Variants in PTPRK observed in about 807,000 individuals in gnomAD.
PTPRK encodes the protein receptor-type tyrosine-protein phosphatase kappa.
In PTPRK, 75 loss-of-function variants were observed where a neutral mutation model predicts 178.0. The ratio of observed to expected loss-of-function variants is 0.42; its 90% confidence interval spans 0.35 to 0.51. The LOEUF is 0.51. Among genes scored for constraint, PTPRK ranks in the 20% least tolerant of loss-of-function variants. The pLI, the probability that PTPRK is intolerant of heterozygous loss-of-function variation, is 0.02. For missense variants in PTPRK, 1,441 were observed against 1,797.8 expected, an observed-to-expected ratio of 0.80 and a Z score of 3.59; for synonymous variants, 637 against 620.6, an observed-to-expected ratio of 1.03 and a Z score of -0.39.
chr6:128,463,969 G>A (rs946547767), intron 1 of PTPRK, among the ~76,000 whole-genome samples: 2 of 151,092 alleles, frequency 1.3e-5, no homozygotes, highest in South Asian at 4.2e-4. Flanking sequence ...TTGGCCAGGC[G>A]GTCTCGAACT....
intron 2 of PTPRK, among the ~76,000 whole-genome samples, chr6:128,366,187 T>TCTAACTAGCAC (rs1835455387): frequency 6.6e-6 from 1 of 152,142 alleles, no homozygotes; most frequent in Non-Finnish European, 1.5e-5. Flanking sequence ...ACTATGCCAC[T>TCTAACTAGCAC]CTAACTAGCT....
chr6:128,416,592 G>A (rs1427812948), intron 1 of PTPRK, among the ~76,000 whole-genome samples: 1 of 150,202 alleles, frequency 6.7e-6, no homozygotes, highest in Non-Finnish European at 1.5e-5. Flanking sequence ...AGCTTGCAGT[G>A]AGCCGAGATC....
At chr6:128,410,764 G>A (rs942020041) in intron 1 of PTPRK, among the ~76,000 whole-genome samples, 30 of 152,150 alleles carry the variant, frequency 2.0e-4, no homozygotes, top group Admixed American at 1.5e-3. Flanking sequence ...ATAAAATACT[G>A]GTGTAGAAGT....
intron 3 of PTPRK, among the ~76,000 whole-genome samples, chr6:128,268,307 A>G: frequency 6.6e-6 from 1 of 152,036 alleles, no homozygotes; most frequent in Admixed American, 6.6e-5. Context: ...GGTGCTTGTT[A>G]AATTGATGGT....
chr6:128,103,810 T>G (rs1789201680), intron 7 of PTPRK, among the ~76,000 whole-genome samples: 1 of 152,170 alleles, frequency 6.6e-6, no homozygotes, highest in Non-Finnish European at 1.5e-5. Flanking sequence ...TGAACCCTGC[T>G]TCCTCTTTGA....
chr6:128,078,677 G>T, intron 11 of PTPRK, 136 bp downstream of exon 11: 2 of 487,692 alleles, frequency 4.1e-6, no homozygotes, highest in Non-Finnish European at 7.3e-6. Flanking sequence ...CTTTATCATA[G>T]GTTTGCATAT....
At chr6:128,256,626 CG>C (rs1817364352) in intron 3 of PTPRK, among the ~76,000 whole-genome samples, 1 of 151,572 alleles carries the variant, frequency 6.6e-6, no homozygotes, top group Non-Finnish European at 1.5e-5. Context: ...TTAGTAGAGA[CG>C]GGGTTTCACC....
At chr6:128,157,450 A>G (rs1447574033) in intron 7 of PTPRK, among the ~76,000 whole-genome samples, 3 of 151,988 alleles carry the variant, frequency 2.0e-5, no homozygotes, top group Non-Finnish European at 4.4e-5. Flanking sequence ...AAAGAATAAC[A>G]TTTCTCTAAA....
intron 1 of PTPRK, among the ~76,000 whole-genome samples, chr6:128,450,132 A>G (rs77393317): frequency 2.0e-5 from 3 of 151,630 alleles, no homozygotes; most frequent in African/African-American, 7.3e-5. Flanking sequence ...AAAAAAAAAA[A>G]GAAGGAAAAG....
intron 6 of PTPRK, among the ~76,000 whole-genome samples, chr6:128,214,128 C>A (rs762522419): frequency 1.1e-4 from 17 of 152,094 alleles, no homozygotes; most frequent in Non-Finnish European, 2.1e-4. Context: ...CAAAGATGAA[C>A]AAGACAGGCT....
chr6:128,359,238 G>A (rs1240031078), intron 2 of PTPRK, among the ~76,000 whole-genome samples: 1 of 148,122 alleles, frequency 6.8e-6, no homozygotes, highest in African/African-American at 2.5e-5. Flanking sequence ...ATCACCTGAG[G>A]TCAGGAGTTC....
intron 2 of PTPRK, among the ~76,000 whole-genome samples, chr6:128,380,554 G>A (rs200896435): frequency 0.082 from 2,476 of 30,122 alleles, 16 homozygotes; most frequent in Middle Eastern, 0.27. Context: ...ACACACACAC[G>A]TGTGTGTGTG....
chr6:128,049,470 G>C (rs934537868), intron 13 of PTPRK, among the ~76,000 whole-genome samples: 1 of 151,806 alleles, frequency 6.6e-6, no homozygotes, highest in Non-Finnish European at 1.5e-5. Context: ...CAAGTACATG[G>C]TTCCACAAAT....
chr6:128,445,184 A>G lies in PTPRK; in HGVS notation c.101-47496T>C, dbSNP rs1370383060. 5.9e-5 allele frequency among the ~76,000 whole-genome samples: 8 copies of G among 135,586 alleles called. No homozygotes were observed. In the East Asian group the frequency reaches 1.4e-3, roughly 23 times the overall value. The allele number at this position is 135,586 out of a possible 152,430, so 88.9% of individuals were successfully genotyped here. A position where few individuals can be genotyped will look rare whatever the true frequency, so the allele number is the denominator to read the frequency against. ...AGCTGAGCAAAATAGCAAGACCCCCAACTCTACTATTTTATTTATATATAT... is the reference window on the plus strand; with the variant it reads ...AGCTGAGCAAAATAGCAAGACCCCCGACTCTACTATTTTATTTATATATAT... On this transcript the variant is annotated intron_variant, in intron 1 of 29. Coordinates refer to ENST00000368226, the MANE Select transcript of PTPRK (RefSeq NM_002844.4).
intron 13 of PTPRK, among the ~76,000 whole-genome samples, chr6:128,032,780 GAC>G (rs1775560563): frequency 6.6e-6 from 1 of 152,092 alleles, no homozygotes; most frequent in African/African-American, 2.4e-5. Flanking sequence ...ACCTGTCACA[GAC>G]ACAGACATGG....
intron 13 of PTPRK, among the ~76,000 whole-genome samples, chr6:128,012,180 T>A (rs1779129504): frequency 6.6e-6 from 1 of 151,382 alleles, no homozygotes. Context: ...TTTATTACTA[T>A]CATTACTATT....
intron 7 of PTPRK, among the ~76,000 whole-genome samples, chr6:128,183,104 A>G (rs144508679): frequency 6.6e-6 from 1 of 152,302 alleles, no homozygotes; most frequent in Non-Finnish European, 1.5e-5. Context: ...AATGGACTCC[A>G]TAGTTCAATT....
chr6:128,247,697 T>G (rs1032878727), intron 3 of PTPRK, among the ~76,000 whole-genome samples: 1 of 152,210 alleles, frequency 6.6e-6, no homozygotes, highest in Non-Finnish European at 1.5e-5. Flanking sequence ...GGAAAGTTTA[T>G]AGGGAAGATT....
At chr6:128,379,760 T>C (rs1179588704) in intron 2 of PTPRK, among the ~76,000 whole-genome samples, 1 of 152,324 alleles carries the variant, frequency 6.6e-6, no homozygotes, top group Admixed American at 6.5e-5. Flanking sequence ...AAGTCACATG[T>C]TCCTTTCTAA....
Sources: allele counts gnomAD v4.1 joint callset (sites outside exome capture counted in the v4.1 genomes callset), GRCh38; gene constraint gnomAD v4.1.1; transcripts MANE v1.5; gene names NCBI Gene and HGNC (gene_info 2026-07-23, HGNC 2026-07-21).